Variants in SPAG1 observed in about 807,000 individuals in gnomAD.
The protein encoded by SPAG1 is sperm-associated antigen 1.
Under a neutral mutation model 100.5 loss-of-function variants are expected in SPAG1, and 69 were observed. The ratio of observed to expected loss-of-function variants is 0.69; its 90% CI spans 0.57 to 0.84. The LOEUF is 0.84. Ranked by LOEUF, SPAG1 falls within the 40% of genes least tolerant of loss-of-function variation. SPAG1 has a pLI of 0.00. For synonymous variants in SPAG1, 336 were observed against 411.6 expected (o/e 0.82, Z 2.22); for missense variants, 955 against 1,133.1 (o/e 0.84, Z 2.26).
At chr8:100,235,065 C>T (rs1242827405) in intron 16 of SPAG1, among the ~76,000 whole-genome samples, 1 of 152,116 alleles carries the variant, frequency 6.6e-6, no homozygotes, top group African/African-American at 2.4e-5. Context: ...ACTGGGTGGC[C>T]TGAACAACAG....
At chr8:100,200,086 A>G (rs1408379913) in intron 10 of SPAG1, among the ~76,000 whole-genome samples, 1 of 152,060 alleles carries the variant, frequency 6.6e-6, no homozygotes, top group Non-Finnish European at 1.5e-5. Context: ...TCCTAATGCT[A>G]TCCCTCCCCT....
intron 3 of SPAG1, among the ~76,000 whole-genome samples, chr8:100,173,999 C>T (rs1815994824): frequency 6.6e-6 from 1 of 152,072 alleles, no homozygotes. Context: ...GAAGTATGTT[C>T]CAGATAGTGA....
chr8:100,206,017 CA>C (rs574907013), intron 10 of SPAG1, among the ~76,000 whole-genome samples: 56 of 77,322 alleles, frequency 7.2e-4, no homozygotes, highest in Non-Finnish European at 1.0e-3. Flanking sequence ...GACTCTGTCT[CA>C]AAAAAAAAAA....
rs1443465766 is a variant in SPAG1 at position 100,162,336 on chromosome 8, A to G, written c.56A>G (p.Lys19Arg). The G allele has an allele frequency of 3.7e-6, 6 of 1,604,460 alleles. No individual in the cohort carries two copies. In the African/African-American group the frequency reaches 8.1e-5, roughly 22 times the overall value. The change falls in exon 2 of 19, where the codon AAA becomes AGA. Residue 19 changes from lysine (K) to arginine (R), a missense_variant. Coordinates refer to ENST00000388798, the MANE Select transcript of SPAG1 (RefSeq NM_003114.5). Reference protein sequence around the residue: ...LWGFGTTKTFKIPIEHLDFKY... With the variant: ...LWGFGTTKTFRIPIEHLDFKY... ...GGCTTTGGAACAACAAAAACATTCA[A>G]AATTCCCATTGAACATCTAGATTTC... is the stretch of plus-strand genomic sequence containing the variant.
intron 14 of SPAG1, among the ~76,000 whole-genome samples, chr8:100,230,321 T>C (rs1269216684): frequency 6.6e-6 from 1 of 152,252 alleles, no homozygotes; most frequent in Non-Finnish European, 1.5e-5. Flanking sequence ...CCCATTTCAT[T>C]GACTGGTTCT....
Position 100,191,307 on chromosome 8 carries a change from C to T in SPAG1, c.833-83C>T, listed in dbSNP as rs1816804030. 2.3e-5 allele frequency: 20 copies of T among 875,168 alleles called. No individual in the cohort carries two copies. In the South Asian group the frequency reaches 3.0e-4, roughly 13 times the overall value. 54.2% of individuals were successfully genotyped at this position (875,168 alleles called of 1,614,324 possible). A position where few individuals can be genotyped will look rare whatever the true frequency, so the allele number is the denominator to read the frequency against. On this transcript the variant is annotated intron_variant, in intron 8 of 18. Coordinates refer to ENST00000388798, the MANE Select transcript of SPAG1 (RefSeq NM_003114.5). Reference sequence around the variant, plus strand: ...TTACATCCTAAAGTATTCTGTGCTGCTCATATCTTCCACTTGCCAAATATG... The same window carrying T: ...TTACATCCTAAAGTATTCTGTGCTGTTCATATCTTCCACTTGCCAAATATG...
At chr8:100,191,077 T>C (rs1056741120) in intron 8 of SPAG1, among the ~76,000 whole-genome samples, 6 of 152,244 alleles carry the variant, frequency 3.9e-5, no homozygotes, top group Admixed American at 2.6e-4. Context: ...ATCATTCCGA[T>C]ATTGCAATAC....
chr8:100,173,033 C>CT (rs149257955), intron 3 of SPAG1, among the ~76,000 whole-genome samples: 8,389 of 63,684 alleles, frequency 0.13, 2,220 homozygotes, highest in Non-Finnish European at 0.16. Context: ...TTGACCACTT[C>CT]TTTTTTTTTT....
At chr8:100,194,340 A>G in intron 10 of SPAG1, 72 bp downstream of exon 10, 2 of 1,554,290 alleles carry the variant, frequency 1.3e-6, no homozygotes, top group Non-Finnish European at 1.7e-6. Context: ...CAATTTTTCT[A>G]TTCGTACAGA....
chr8:100,187,678 T>C (rs1816644649), intron 8 of SPAG1, among the ~76,000 whole-genome samples: 1 of 151,656 alleles, frequency 6.6e-6, no homozygotes, highest in African/African-American at 2.4e-5. Context: ...AAAAAAAAAC[T>C]CAAGCTTGCA....
intron 13 of SPAG1, among the ~76,000 whole-genome samples, chr8:100,224,142 A>T (rs960405480): frequency 6.6e-6 from 1 of 152,200 alleles, no homozygotes; most frequent in Non-Finnish European, 1.5e-5. Context: ...TGAAAAAGTG[A>T]TCACTGAGGA....
At chr8:100,197,212 G>A (rs1817071680) in intron 10 of SPAG1, among the ~76,000 whole-genome samples, 1 of 152,080 alleles carries the variant, frequency 6.6e-6, no homozygotes, top group South Asian at 2.1e-4. Flanking sequence ...TAGTCCCAGG[G>A]AGCTCAGGAG....
intron 11 of SPAG1, 57 bp downstream of exon 11, chr8:100,213,485 C>CG (rs1817831554): frequency 7.7e-7 from 1 of 1,299,950 alleles, no homozygotes; most frequent in African/African-American, 1.6e-5. Context: ...TTCACCCGAC[C>CG]TCCGGGGCCC....
chr8:100,218,541 G>T (rs1586513295), intron 12 of SPAG1, among the ~76,000 whole-genome samples: 1 of 152,158 alleles, frequency 6.6e-6, no homozygotes, highest in Non-Finnish European at 1.5e-5. Context: ...GATGCCCACA[G>T]ATCTATTTTC....
intron 3 of SPAG1, among the ~76,000 whole-genome samples, chr8:100,170,649 C>G (rs1179214799): frequency 6.6e-6 from 1 of 151,976 alleles, no homozygotes; most frequent in African/African-American, 2.4e-5. Context: ...TTGTATTTAT[C>G]TAATTGCTTT....
chr8:100,213,532 C>G (rs1214074411), intron 11 of SPAG1, 104 bp downstream of exon 11: 1 of 914,648 alleles, frequency 1.1e-6, no homozygotes, highest in Non-Finnish European at 1.5e-6. Context: ...GAATGACAGG[C>G]GCCGGCATCG....
rs1819168000 is a variant in SPAG1 at position 100,239,710 on chromosome 8, C to T, written c.2280+306C>T. 6.6e-6 allele frequency among the ~76,000 whole-genome samples: 1 copy of T among 152,216 alleles called. No homozygotes were observed. Among genetic ancestry groups the T allele is most frequent in the Non-Finnish European group, 1.5e-5 (1 of 68,038 alleles). ...GGAACCAGCGGCCACTGACTTTGCT[C>T]CAGGGTAGACCTGGAGAATCCTGAC... On this transcript the variant is annotated intron_variant, in intron 17 of 18. Transcript: ENST00000388798. The surrounding 1 kb of genome is among the most constrained non-coding windows in gnomAD (Gnocchi z 5.0).
At chr8:100,205,394 C>T (rs577313194) in intron 10 of SPAG1, among the ~76,000 whole-genome samples, 5 of 152,176 alleles carry the variant, frequency 3.3e-5, no homozygotes, top group African/African-American at 7.2e-5. Context: ...AACATCATTG[C>T]GGTCCTCCAG....
chr8:100,158,412 A>T (rs2132170848), upstream of SPAG1: 1 of 152,352 alleles, frequency 6.6e-6, no homozygotes, highest in East Asian at 1.9e-4. Context: ...ATCTGAGACC[A>T]TTGCGGCTGG....
Sources: allele counts gnomAD v4.1 joint callset (sites outside exome capture counted in the v4.1 genomes callset), GRCh38; gene constraint gnomAD v4.1.1; non-coding constraint Gnocchi (gnomAD v3.1); transcripts MANE v1.5; gene names NCBI Gene and HGNC (gene_info 2026-07-23, HGNC 2026-07-21).